Variants in DENND5B observed in about 807,000 individuals in gnomAD.
The protein encoded by DENND5B is DENN domain-containing protein 5B.
Under a neutral mutation model 140.6 loss-of-function variants are expected in DENND5B, and 34 were observed. The ratio of observed to expected loss-of-function variants is 0.24; its 90% CI spans 0.18 to 0.32. The LOEUF (loss-of-function observed/expected upper bound fraction) is 0.32, where lower values mean the gene tolerates loss of function less well. DENND5B is among the 10% of genes least tolerant of loss of function. The pLI is 1.00. For missense variants in DENND5B, 1,142 were observed against 1,560.2 expected (o/e 0.73, Z 4.52); for synonymous variants, 551 against 562.1 (o/e 0.98, Z 0.28).
intron 5 of DENND5B, 66 bp from the exon 6 acceptor site, chr12:31,447,835 G>GA: frequency 9.2e-7 from 1 of 1,092,498 alleles, no homozygotes; most frequent in South Asian, 1.6e-5. Context: ...TGATAAGCCT[G>GA]AAAATTATGT....
At chr12:31,450,495 C>T (rs185301126) in intron 5 of DENND5B, among the ~76,000 whole-genome samples, 19 of 152,078 alleles carry the variant, frequency 1.2e-4, no homozygotes, top group African/African-American at 4.6e-4. Context: ...TCATTGGGAC[C>T]AGAGGAGCAC....
intron 13 of DENND5B, 90 bp from the exon 14 acceptor site, chr12:31,409,474 CTTTTTTTTTTTT>C: frequency 7.0e-6 from 2 of 285,108 alleles, no homozygotes; most frequent in Non-Finnish European, 9.4e-6. Context: ...TTCATTATGT[CTTTTTTTTTTTT>C]TTTTTTTTTT....
At chr12:31,409,135 C>A in intron 14 of DENND5B, 128 bp downstream of exon 14, 1 of 1,079,714 alleles carries the variant, frequency 9.3e-7, no homozygotes, top group South Asian at 2.4e-5. Context: ...TCCTTTACTC[C>A]TAAACAGAGA....
intron 1 of DENND5B, 63 bp downstream of exon 1, chr12:31,590,643 G>T: frequency 7.2e-7 from 1 of 1,383,818 alleles, no homozygotes; most frequent in Non-Finnish European, 9.3e-7. Flanking sequence ...CGCCTCCCGC[G>T]CGTCCCCACA....
At chr12:31,433,046 GTT>G in intron 8 of DENND5B, 107 bp downstream of exon 8, 2 of 834,958 alleles carry the variant, frequency 2.4e-6, no homozygotes, top group Non-Finnish European at 1.9e-6. Flanking sequence ...TAACTAAACA[GTT>G]TTTTTTTTAA....
chr12:31,548,324 G>T (rs1326575772), intron 1 of DENND5B, among the ~76,000 whole-genome samples: 1 of 151,526 alleles, frequency 6.6e-6, no homozygotes, highest in Admixed American at 6.6e-5. Context: ...AGCCCAGGAG[G>T]TCAAGGCTGC....
chr12:31,382,475 C>T lies in DENND5B; in HGVS notation c.*5128G>A, dbSNP rs1940674449. On this transcript the variant is annotated 3_prime_UTR_variant, in exon 21 of 21. Coordinates refer to ENST00000389082, the MANE Select transcript of DENND5B (RefSeq NM_144973.4). ...AAAAGCTAATTAAAAAAAAGATACA[C>T]AGGTTACATTTATACATGGTTCAAG... 2 of 152,004 alleles carry T rather than the reference C, an allele frequency of 1.3e-5. No homozygotes were observed. Among genetic ancestry groups the T allele is most frequent in the Non-Finnish European group, 2.9e-5 (2 of 67,986 alleles). 9.4% of individuals were successfully genotyped at this position (152,004 alleles called of 1,614,324 possible).
chr12:31,459,947 C>T (rs1420597084), intron 4 of DENND5B, among the ~76,000 whole-genome samples: 2 of 152,160 alleles, frequency 1.3e-5, no homozygotes, highest in Non-Finnish European at 2.9e-5. Context: ...TACCACTGCT[C>T]CATCTTCAGA....
chr12:31,489,687 C>A (rs1209441646), intron 2 of DENND5B, among the ~76,000 whole-genome samples: 6 of 152,186 alleles, frequency 3.9e-5, no homozygotes, highest in Admixed American at 2.0e-4. Context: ...ACATTAAGCA[C>A]GAGATACACA....
chr12:31,554,877 C>T (rs1228162722), intron 1 of DENND5B, among the ~76,000 whole-genome samples: 1 of 152,126 alleles, frequency 6.6e-6, no homozygotes, highest in Admixed American at 6.5e-5. Flanking sequence ...GCATTCGTCA[C>T]GTAGCTCTCG....
chr12:31,473,861 T>C (rs1215003224), intron 3 of DENND5B, among the ~76,000 whole-genome samples: 1 of 152,172 alleles, frequency 6.6e-6, no homozygotes, highest in African/African-American at 2.4e-5. Flanking sequence ...AAGGAAGAGA[T>C]TCTCACATAT....
intron 9 of DENND5B, 82 bp downstream of exon 9, chr12:31,426,211 G>T: frequency 6.9e-7 from 1 of 1,440,924 alleles, no homozygotes; most frequent in Non-Finnish European, 9.2e-7. Context: ...ATGCTTAAAT[G>T]GGGGTTAACT....
At chr12:31,545,161 T>TA (rs1948814417) in intron 1 of DENND5B, among the ~76,000 whole-genome samples, 1 of 152,168 alleles carries the variant, frequency 6.6e-6, no homozygotes, top group African/African-American at 2.4e-5. Context: ...CCAAAAAAAC[T>TA]AAAAAATTCA....
chr12:31,387,930 C>T (rs1940926265), intron 20 of DENND5B, 144 bp from the exon 21 acceptor site: 2 of 782,712 alleles, frequency 2.6e-6, no homozygotes, highest in South Asian at 4.7e-5. Flanking sequence ...GAGAGGAAAT[C>T]AAAGCCAAGA....
In DENND5B at chr12:31,433,214, T is replaced by C. The variant is rs1943592827; in HGVS notation, c.2047A>G (p.Arg683Gly). 4 of 1,613,838 alleles carry C rather than the reference T, an allele frequency of 2.5e-6. No homozygotes were observed. The highest frequency in any genetic ancestry group is 3.4e-6 in the Non-Finnish European group (4 of 1,179,818). The change falls in exon 8 of 21, where the codon AGG becomes GGG. Residue 683 changes from arginine to glycine, a missense_variant. Coordinates refer to ENST00000389082, the MANE Select transcript of DENND5B (RefSeq NM_144973.4). The part of the protein sequence containing the change: ...WVSRSATAQR[R>G]KERLRQHSEH... ...GAATGCTGGCGAAGGCGTTCTTTCC[T>C]GCGCTGTGCAGTGGCACTCCGACTT...
intron 2 of DENND5B, among the ~76,000 whole-genome samples, chr12:31,488,242 C>T (rs1374197678): frequency 6.6e-6 from 1 of 151,666 alleles, no homozygotes; most frequent in Non-Finnish European, 1.5e-5. Flanking sequence ...TCCCAAAGTG[C>T]TGGGATTACA....
chr12:31,580,822 T>C (rs1481200497), intron 1 of DENND5B, among the ~76,000 whole-genome samples: 1 of 151,888 alleles, frequency 6.6e-6, no homozygotes, highest in Non-Finnish European at 1.5e-5. Flanking sequence ...AATCCACACA[T>C]AGGCCAGGCA....
At chr12:31,499,623 G>A in intron 1 of DENND5B, 2 of 1,500,906 alleles carry the variant, frequency 1.3e-6, no homozygotes, top group Non-Finnish European at 1.8e-6. Flanking sequence ...CGTATTTGCA[G>A]CACCTTGGCT....
intron 1 of DENND5B, among the ~76,000 whole-genome samples, chr12:31,537,267 CACAG>C (rs1316664838): frequency 7.2e-5 from 11 of 152,116 alleles, no homozygotes; most frequent in African/African-American, 2.6e-4. Context: ...CTTTTCAAGA[CACAG>C]ACAGTACAAT....
Sources: gnomAD v4.1 joint callset for allele counts (sites outside exome capture counted in the v4.1 genomes callset) on GRCh38, gnomAD v4.1.1 for gene constraint, MANE v1.5 for transcripts, NCBI Gene and HGNC (gene_info 2026-07-23, HGNC 2026-07-21) for gene names.